Variants in PRKN observed in about 807,000 individuals in gnomAD.
The protein encoded by PRKN is E3 ubiquitin-protein ligase parkin.
Under a neutral mutation model 59.5 loss-of-function variants are expected in PRKN, and 56 were observed. The observed-to-expected ratio is 0.94, with a 90% CI of 0.76 to 1.18. The LOEUF is 1.18. Ranked by LOEUF, PRKN falls within the 50% of genes most tolerant of loss-of-function variation. PRKN has a pLI of 0.00. For missense variants in PRKN, 657 were observed against 596.4 expected (o/e 1.10, Z -1.06); for synonymous variants, 250 against 222.1 (o/e 1.13, Z -1.12).
At chr6:161,598,263 T>G (rs1781986115) in intron 7 of PRKN, among the ~76,000 whole-genome samples, 1 of 152,074 alleles carries the variant, frequency 6.6e-6, no homozygotes, top group Admixed American at 6.5e-5. Context: ...AGCCATAAAC[T>G]CATAGAAACA....
At chr6:162,443,676 T>C (rs1790172593) in intron 1 of PRKN, among the ~76,000 whole-genome samples, 1 of 152,186 alleles carries the variant, frequency 6.6e-6, no homozygotes, top group African/African-American at 2.4e-5. Flanking sequence ...GATTTCCCTT[T>C]CATATATTCG....
intron 1 of PRKN, among the ~76,000 whole-genome samples, chr6:162,651,934 T>C (rs144275955): frequency 6.6e-6 from 1 of 152,352 alleles, no homozygotes; most frequent in African/African-American, 2.4e-5. Context: ...ATGCATAATG[T>C]GGGCCACATA....
intron 1 of PRKN, among the ~76,000 whole-genome samples, chr6:162,638,039 A>G (rs200440216): frequency 9.9e-6 from 1 of 100,772 alleles, no homozygotes; most frequent in Non-Finnish European, 2.4e-5. Context: ...ATTCCTTTAT[A>G]TAGTTTCTTT....
intron 1 of PRKN, among the ~76,000 whole-genome samples, chr6:162,622,400 T>C (rs1480738871): frequency 1.3e-5 from 2 of 151,924 alleles, no homozygotes; most frequent in Non-Finnish European, 2.9e-5. Context: ...GCCAGGTTGG[T>C]CTCCAACACC....
intron 9 of PRKN, among the ~76,000 whole-genome samples, chr6:161,532,928 A>C (rs1440900546): frequency 2.6e-5 from 4 of 152,200 alleles, no homozygotes; most frequent in African/African-American, 9.6e-5. Context: ...ATACAATTAT[A>C]TGTATGTTGG....
intron 1 of PRKN, among the ~76,000 whole-genome samples, chr6:162,669,586 T>C (rs903144719): frequency 6.6e-6 from 1 of 152,226 alleles, no homozygotes; most frequent in Admixed American, 6.5e-5. Flanking sequence ...TCCACTTTTA[T>C]GTATACCAGT....
At chr6:162,067,943 C>A (rs1413419287) in intron 4 of PRKN, among the ~76,000 whole-genome samples, 1 of 152,166 alleles carries the variant, frequency 6.6e-6, no homozygotes, top group African/African-American at 2.4e-5. Flanking sequence ...TTTTTATTTA[C>A]TGTTTTACCA....
chr6:161,852,839 G>A (rs1416207945), intron 6 of PRKN, among the ~76,000 whole-genome samples: 3 of 152,160 alleles, frequency 2.0e-5, no homozygotes, highest in Admixed American at 6.5e-5. Flanking sequence ...AACAGTTTTG[G>A]TTGGGAGTCA....
chr6:161,862,121 G>T (rs953650322), intron 6 of PRKN, among the ~76,000 whole-genome samples: 36 of 152,132 alleles, frequency 2.4e-4, no homozygotes, highest in African/African-American at 8.2e-4. Flanking sequence ...AATCCAGGAT[G>T]ACTGACTCAA....
At chr6:162,048,646 C>G (rs929983991) in intron 5 of PRKN, among the ~76,000 whole-genome samples, 1 of 151,166 alleles carries the variant, frequency 6.6e-6, no homozygotes, top group Non-Finnish European at 1.5e-5. Flanking sequence ...TTTGGCTTCC[C>G]TGGGCCACAT....
intron 7 of PRKN, among the ~76,000 whole-genome samples, chr6:161,631,992 C>A (rs2128155029): frequency 6.6e-6 from 1 of 152,204 alleles, no homozygotes; most frequent in East Asian, 1.9e-4. Flanking sequence ...GTTCTTTTCC[C>A]CCCAGCAGTA....
intron 7 of PRKN, among the ~76,000 whole-genome samples, chr6:161,603,757 T>A (rs1050865097): frequency 2.0e-5 from 3 of 152,222 alleles, no homozygotes; most frequent in African/African-American, 2.4e-5. Flanking sequence ...CAAAATTATT[T>A]CCATAAGCTC....
At chr6:161,512,695 T>C (rs1012435652) in intron 9 of PRKN, among the ~76,000 whole-genome samples, 1 of 152,206 alleles carries the variant, frequency 6.6e-6, no homozygotes, top group African/African-American at 2.4e-5. Context: ...ATGATTGTTC[T>C]ACACGAGGAG....
chr6:162,417,763 C>T (rs143740101), intron 2 of PRKN, among the ~76,000 whole-genome samples: 105 of 152,274 alleles, frequency 6.9e-4, no homozygotes, highest in African/African-American at 2.5e-3. Context: ...AACGTGTTTA[C>T]GGGTCTTCTG....
intron 5 of PRKN, among the ~76,000 whole-genome samples, chr6:161,987,127 C>T (rs1239470108): frequency 6.6e-6 from 1 of 152,204 alleles, no homozygotes; most frequent in African/African-American, 2.4e-5. Context: ...AAGGCAAGTG[C>T]TTAACACAAT....
intron 7 of PRKN, among the ~76,000 whole-genome samples, chr6:161,670,542 G>A (rs1305436387): frequency 1.3e-5 from 2 of 152,182 alleles, no homozygotes; most frequent in East Asian, 1.9e-4. Flanking sequence ...CAAGCTGGGC[G>A]CAGTGGCTCA....
chr6:161,489,983 C>G (rs1480695264), intron 9 of PRKN, among the ~76,000 whole-genome samples: 2 of 152,220 alleles, frequency 1.3e-5, no homozygotes, highest in Non-Finnish European at 2.9e-5. Flanking sequence ...CACAGTAACT[C>G]CTGGGTTCTC....
At chr6:162,691,666 T>C (rs1777779587) in intron 1 of PRKN, among the ~76,000 whole-genome samples, 1 of 152,176 alleles carries the variant, frequency 6.6e-6, no homozygotes, top group Non-Finnish European at 1.5e-5. Context: ...GTGAAATATA[T>C]TGTTTTCCAG....
intron 3 of PRKN, among the ~76,000 whole-genome samples, chr6:162,252,797 A>T (rs1257731183): frequency 6.6e-6 from 1 of 152,270 alleles, no homozygotes; most frequent in East Asian, 1.9e-4. Flanking sequence ...TTGTCATAGC[A>T]GCCCAAAGGG....
Sources: allele counts gnomAD v4.1 joint callset (sites outside exome capture counted in the v4.1 genomes callset), GRCh38; gene constraint gnomAD v4.1.1; transcripts MANE v1.5; gene names NCBI Gene and HGNC (gene_info 2026-07-23, HGNC 2026-07-21).